AUTS2: variants seen among roughly 807,000 people sequenced by gnomAD.
AUTS2 encodes the protein activator of transcription and developmental regulator AUTS2.
AUTS2 carries 17 observed loss-of-function variants against 112.4 expected under a neutral mutation model. The observed-to-expected ratio is 0.15, with a 90% confidence interval of 0.10 to 0.23. The LOEUF is 0.23. Ranked by LOEUF, AUTS2 falls within the 10% of genes least tolerant of loss-of-function variation. The pLI is 1.00. For missense variants in AUTS2, 1,510 were observed against 1,701.6 expected, an observed-to-expected ratio of 0.89 and a Z score of 1.98; for synonymous variants, 751 against 702.7, an observed-to-expected ratio of 1.07 and a Z score of -1.09.
chr7:69,611,356 A>G (rs1438113970), intron 1 of AUTS2, among the ~76,000 whole-genome samples: 1 of 152,168 alleles, frequency 6.6e-6, no homozygotes, highest in Non-Finnish European at 1.5e-5. Context: ...GGGATAATTC[A>G]GCCTGTGTGC....
In AUTS2 at chr7:70,317,612, A is replaced by C. The variant is rs555981922; in HGVS notation, c.661-118140A>C. ...GGACTCAAACTCAGGCAGGGGTTCTAGTACCAGCAGTGTTTATCAACTGCT... is the reference window on the plus strand; with the variant it reads ...GGACTCAAACTCAGGCAGGGGTTCTCGTACCAGCAGTGTTTATCAACTGCT... On this transcript the variant is annotated intron_variant, in intron 4 of 18. Coordinates refer to ENST00000342771, the MANE Select transcript of AUTS2 (RefSeq NM_015570.4). Among the ~76,000 whole-genome samples the C allele has an allele frequency of 3.3e-5, 5 of 152,322 alleles. No homozygotes were observed. In the East Asian group the frequency reaches 7.7e-4, roughly 24 times the overall value.
At chr7:70,733,714 G>C (rs1787601518) in intron 6 of AUTS2, among the ~76,000 whole-genome samples, 1 of 152,122 alleles carries the variant, frequency 6.6e-6, no homozygotes, top group South Asian at 2.1e-4. Context: ...AGCCTCCCAA[G>C]TAGCTGGAAC....
intron 4 of AUTS2, among the ~76,000 whole-genome samples, chr7:70,283,488 A>G (rs1437627417): frequency 1.3e-5 from 2 of 152,168 alleles, no homozygotes; most frequent in African/African-American, 4.8e-5. Context: ...AGATGTAAAT[A>G]TACTTTAAAA....
chr7:70,700,021 C>T (rs919178267), intron 6 of AUTS2, among the ~76,000 whole-genome samples: 2 of 152,146 alleles, frequency 1.3e-5, no homozygotes, highest in Admixed American at 1.3e-4. Flanking sequence ...GAATGTATTT[C>T]CCCTTTCTGG....
At chr7:69,868,653 G>A (rs564436620) in intron 1 of AUTS2, among the ~76,000 whole-genome samples, 59 of 152,232 alleles carry the variant, frequency 3.9e-4, no homozygotes, top group African/African-American at 1.3e-3. Flanking sequence ...CTGTGCATAC[G>A]TTCTGATTTG....
At position 70,324,553 on chromosome 7, in the gene AUTS2, G is replaced by A. The variant is rs529293354; in HGVS notation, c.661-111199G>A. ...GGTGGGAGGATTGCTTGAGCCTAGC[G>A]GTTCAAGGCTACAGTAAACTGTGAC... On this transcript the variant is annotated intron_variant, in intron 4 of 18. Coordinates refer to ENST00000342771, the MANE Select transcript of AUTS2 (RefSeq NM_015570.4). 1.3e-4 allele frequency among the ~76,000 whole-genome samples: 19 copies of A among 151,946 alleles called. 1 individual carries two copies. The highest frequency in any genetic ancestry group is 4.1e-4 in the African/African-American group (17 of 41,468).
At chr7:69,624,211 C>T (rs996055135) in intron 1 of AUTS2, among the ~76,000 whole-genome samples, 4 of 152,140 alleles carry the variant, frequency 2.6e-5, no homozygotes, top group African/African-American at 9.7e-5. Flanking sequence ...TTTGAAAATG[C>T]GTAAGGACAG....
intron 2 of AUTS2, among the ~76,000 whole-genome samples, chr7:70,004,951 A>G (rs899982827): frequency 1.3e-5 from 2 of 151,700 alleles, no homozygotes; most frequent in African/African-American, 4.8e-5. Flanking sequence ...CAGCCTCCCA[A>G]GTAGCTGGGA....
At chr7:69,879,546 A>G (rs1380911855) in intron 1 of AUTS2, among the ~76,000 whole-genome samples, 1 of 152,144 alleles carries the variant, frequency 6.6e-6, no homozygotes, top group Non-Finnish European at 1.5e-5. Flanking sequence ...TAGAGTACTA[A>G]ATGTAATGAT....
chr7:70,528,517 A>T (rs1208718276), intron 5 of AUTS2, among the ~76,000 whole-genome samples: 2 of 152,164 alleles, frequency 1.3e-5, no homozygotes, highest in African/African-American at 4.8e-5. Flanking sequence ...TTAGACTGAG[A>T]TGCTAATCAT....
intron 5 of AUTS2, among the ~76,000 whole-genome samples, chr7:70,442,580 T>C (rs1796163150): frequency 6.6e-6 from 1 of 152,192 alleles, no homozygotes. Flanking sequence ...ACCCTCCCAC[T>C]CCTTGATTCA....
At chr7:69,724,186 C>T (rs537210156) in intron 1 of AUTS2, among the ~76,000 whole-genome samples, 9 of 152,260 alleles carry the variant, frequency 5.9e-5, no homozygotes, top group Admixed American at 2.0e-4. Flanking sequence ...CCCCATGGGG[C>T]GAGTCACATT....
chr7:70,448,449 G>A (rs777419509), intron 5 of AUTS2, among the ~76,000 whole-genome samples: 38 of 152,066 alleles, frequency 2.5e-4, no homozygotes, highest in Non-Finnish European at 4.9e-4. Context: ...CCCTGCCCCC[G>A]CTCCCCTCCT....
intron 1 of AUTS2, among the ~76,000 whole-genome samples, chr7:69,859,842 G>T (rs1584352000): frequency 6.6e-6 from 1 of 152,122 alleles, no homozygotes; most frequent in African/African-American, 2.4e-5. Flanking sequence ...CCCTAGTAGA[G>T]TACCTGAACT....
intron 4 of AUTS2, among the ~76,000 whole-genome samples, chr7:70,155,522 T>C (rs781509505): frequency 1.4e-4 from 21 of 151,858 alleles, no homozygotes; most frequent in Non-Finnish European, 2.6e-4. Context: ...ACTGGCACTC[T>C]TGTGCCAGTA....
intron 4 of AUTS2, among the ~76,000 whole-genome samples, chr7:70,373,586 G>A (rs1227914802): frequency 6.6e-6 from 1 of 152,226 alleles, no homozygotes; most frequent in East Asian, 1.9e-4. Context: ...TGGCATCAGT[G>A]GGCAGTTATC....
intron 2 of AUTS2, among the ~76,000 whole-genome samples, chr7:70,071,005 G>C (rs1292449548): frequency 6.6e-6 from 1 of 152,164 alleles, no homozygotes; most frequent in East Asian, 1.9e-4. Context: ...TTTTTTAATA[G>C]TTTGGGTTAC....
At chr7:70,559,343 T>G (rs1207788517) in intron 5 of AUTS2, among the ~76,000 whole-genome samples, 1 of 151,906 alleles carries the variant, frequency 6.6e-6, no homozygotes, top group Non-Finnish European at 1.5e-5. Context: ...CTTTCTTTTT[T>G]TTTTTTTCTG....
At chr7:70,142,233 A>G (rs1170917791) in intron 4 of AUTS2, among the ~76,000 whole-genome samples, 2 of 152,116 alleles carry the variant, frequency 1.3e-5, no homozygotes, top group African/African-American at 4.8e-5. Flanking sequence ...CCTAACCCCC[A>G]TCTCTGGCCC....
Sources: allele counts gnomAD v4.1 joint callset (sites outside exome capture counted in the v4.1 genomes callset), GRCh38; gene constraint gnomAD v4.1.1; transcripts MANE v1.5; gene names NCBI Gene and HGNC (gene_info 2026-07-23, HGNC 2026-07-21).